The following TLK1 variants were observed in gnomAD, a reference collection of about 807,000 sequenced individuals.
TLK1 encodes serine/threonine-protein kinase tousled-like 1.
Under a neutral mutation model 105.3 loss-of-function variants are expected in TLK1, and 24 were observed. The ratio of observed to expected loss-of-function variants is 0.23; its 90% CI spans 0.17 to 0.32. The LOEUF (loss-of-function observed/expected upper bound fraction) is 0.32, where lower values mean the gene tolerates loss of function less well. TLK1 is among the 10% of genes least tolerant of loss of function. TLK1 has a pLI of 1.00. For missense variants in TLK1, 558 were observed against 910.5 expected, an observed-to-expected ratio of 0.61 and a Z score of 4.98; for synonymous variants, 321 against 310.4, an observed-to-expected ratio of 1.03 and a Z score of -0.36.
intron 1 of TLK1, among the ~76,000 whole-genome samples, chr2:171,147,591 T>G (rs2105589482): frequency 6.6e-6 from 1 of 152,306 alleles, no homozygotes; most frequent in East Asian, 1.9e-4. Flanking sequence ...ACTTTAGAAT[T>G]TAAATGTTTT....
At chr2:171,071,378 C>T (rs952005697) in intron 3 of TLK1, among the ~76,000 whole-genome samples, 26 of 152,094 alleles carry the variant, frequency 1.7e-4, no homozygotes, top group Admixed American at 4.6e-4. Context: ...AGCTCTGCCT[C>T]CCGGGTTCAC....
At chr2:171,023,297 T>C (rs1463553790) in intron 12 of TLK1, among the ~76,000 whole-genome samples, 1 of 152,160 alleles carries the variant, frequency 6.6e-6, no homozygotes, top group African/African-American at 2.4e-5. Context: ...AAAGATACAT[T>C]TGTGTTGGTG....
At chr2:171,139,823 G>A (rs1451983256) in intron 1 of TLK1, among the ~76,000 whole-genome samples, 1 of 149,628 alleles carries the variant, frequency 6.7e-6, no homozygotes, top group Admixed American at 6.7e-5. Context: ...GTGGGGTGGG[G>A]TGGGGTGGGG....
intron 4 of TLK1, chr2:171,059,929 G>T: frequency 6.7e-7 from 1 of 1,488,960 alleles, no homozygotes; most frequent in Non-Finnish European, 9.4e-7. Flanking sequence ...CTCACCTCCT[G>T]CTGTACGACC....
intron 1 of TLK1, among the ~76,000 whole-genome samples, chr2:171,203,917 T>C (rs1348358756): frequency 1.3e-5 from 2 of 152,212 alleles, no homozygotes; most frequent in East Asian, 3.9e-4. Context: ...CCGGGCGTGG[T>C]GGCGCACACC....
At chr2:171,126,260 G>A (rs1235943519) in intron 1 of TLK1, among the ~76,000 whole-genome samples, 3 of 152,082 alleles carry the variant, frequency 2.0e-5, no homozygotes, top group Admixed American at 6.5e-5. Context: ...TCAATATGAT[G>A]AAGAAAAATT....
intron 1 of TLK1, among the ~76,000 whole-genome samples, chr2:171,178,241 G>C (rs949923119): frequency 6.6e-6 from 1 of 152,128 alleles, no homozygotes; most frequent in Admixed American, 6.5e-5. Context: ...AGGTTTAGAG[G>C]GATTAGGGAG....
At chr2:171,033,915 C>A (rs1216015148) in intron 11 of TLK1, among the ~76,000 whole-genome samples, 5 of 143,684 alleles carry the variant, frequency 3.5e-5, no homozygotes, top group African/African-American at 1.3e-4. Flanking sequence ...AAACCTCCCA[C>A]AACAACAAAA....
intron 1 of TLK1, among the ~76,000 whole-genome samples, chr2:171,159,388 G>A (rs1261435174): frequency 2.0e-5 from 3 of 152,206 alleles, no homozygotes; most frequent in African/African-American, 2.4e-5. Context: ...CTTAGATACA[G>A]CAAGTTGAAA....
intron 3 of TLK1, among the ~76,000 whole-genome samples, chr2:171,076,268 C>A (rs947213349): frequency 6.6e-6 from 1 of 151,706 alleles, no homozygotes; most frequent in South Asian, 2.1e-4. Flanking sequence ...GGATTAATGC[C>A]ATTATTGTGG....
chr2:171,072,566 T>C (rs1270211728), intron 3 of TLK1, among the ~76,000 whole-genome samples: 1 of 152,190 alleles, frequency 6.6e-6, no homozygotes, highest in Admixed American at 6.5e-5. Context: ...GAGGCCAGCC[T>C]GGCCAACATG....
chr2:171,120,565 T>C (rs972996234), intron 1 of TLK1, among the ~76,000 whole-genome samples: 8 of 151,916 alleles, frequency 5.3e-5, no homozygotes, highest in African/African-American at 1.5e-4. Context: ...ATGAGGGAAA[T>C]GCAAATCAAA....
intron 1 of TLK1, among the ~76,000 whole-genome samples, chr2:171,230,528 A>G (rs1411769643): frequency 6.6e-6 from 1 of 152,002 alleles, no homozygotes; most frequent in East Asian, 1.9e-4. Flanking sequence ...ACCACCCTGC[A>G]CTCTTCCACC....
intron 1 of TLK1, among the ~76,000 whole-genome samples, chr2:171,132,465 T>C (rs1691142875): frequency 6.6e-6 from 1 of 152,218 alleles, no homozygotes; most frequent in African/African-American, 2.4e-5. Context: ...AACACGAGTT[T>C]CAGATAAATT....
intron 1 of TLK1, among the ~76,000 whole-genome samples, chr2:171,139,073 A>C (rs1332457003): frequency 6.6e-6 from 1 of 152,224 alleles, no homozygotes; most frequent in African/African-American, 2.4e-5. Flanking sequence ...AAAGAAGCAA[A>C]GTGACTAAGA....
chr2:171,143,554 A>C (rs1691674489), intron 1 of TLK1, among the ~76,000 whole-genome samples: 1 of 113,730 alleles, frequency 8.8e-6, no homozygotes, highest in African/African-American at 3.0e-5. Context: ...AAAAAAAAAA[A>C]AAAAAGGTGG....
chr2:171,114,306 C>CA (rs993939687), intron 2 of TLK1, among the ~76,000 whole-genome samples: 3 of 151,894 alleles, frequency 2.0e-5, no homozygotes, highest in African/African-American at 4.8e-5. Context: ...CTTACATGGC[C>CA]AAAAAAAGGA....
intron 1 of TLK1, among the ~76,000 whole-genome samples, chr2:171,189,914 G>A (rs895370844): frequency 2.6e-5 from 4 of 151,928 alleles, no homozygotes; most frequent in South Asian, 4.2e-4. Context: ...CAGCCTGGGC[G>A]ACAGAGCGAG....
upstream of TLK1, among the ~76,000 whole-genome samples, chr2:171,163,371 A>C (rs1190503591): frequency 6.6e-6 from 1 of 152,196 alleles, no homozygotes; most frequent in Non-Finnish European, 1.5e-5. Flanking sequence ...TTTATACCTA[A>C]ATACATGCAC....
Sources: gnomAD v4.1 joint callset for allele counts (sites outside exome capture counted in the v4.1 genomes callset) on GRCh38, gnomAD v4.1.1 for gene constraint, MANE v1.5 for transcripts, NCBI Gene and HGNC (gene_info 2026-07-23, HGNC 2026-07-21) for gene names.